Variants in SCML4 observed in about 807,000 individuals in gnomAD.
SCML4 encodes the protein sex comb on midleg-like protein 4.
A neutral mutation model predicts 41.1 loss-of-function variants in SCML4; 34 were observed. The ratio of observed to expected loss-of-function variants is 0.83; its 90% CI spans 0.63 to 1.10. The LOEUF (loss-of-function observed/expected upper bound fraction) is 1.10, where lower values mean the gene tolerates loss of function less well. Ranked by LOEUF, SCML4 falls within the 50% of genes least tolerant of loss-of-function variation. The pLI is 0.00. For missense variants in SCML4, 522 were observed against 534.1 expected (o/e 0.98, Z 0.22); for synonymous variants, 214 against 220.9 (o/e 0.97, Z 0.28).
intron 3 of SCML4, among the ~76,000 whole-genome samples, chr6:107,747,226 G>T (rs1184577530): frequency 6.6e-6 from 1 of 152,172 alleles, no homozygotes. Context: ...CTGGGAAAAT[G>T]TACATACAAA....
chr6:107,746,149 G>A (rs963948247), intron 4 of SCML4: 1 of 152,818 alleles, frequency 6.5e-6, no homozygotes, highest in African/African-American at 2.4e-5. Context: ...AGAACAGAGT[G>A]GGGAACAAGA....
chr6:107,808,930 A>C (rs1317474306), intron 1 of SCML4, among the ~76,000 whole-genome samples: 1 of 152,172 alleles, frequency 6.6e-6, no homozygotes, highest in Non-Finnish European at 1.5e-5. Context: ...AATCTATCTG[A>C]GATTATTAAG....
chr6:107,767,530 A>C (rs1780159527), intron 2 of SCML4, among the ~76,000 whole-genome samples: 1 of 152,220 alleles, frequency 6.6e-6, no homozygotes, highest in African/African-American at 2.4e-5. Flanking sequence ...AAAAAGGAAG[A>C]GAGAACAAAA....
intron 2 of SCML4, among the ~76,000 whole-genome samples, chr6:107,755,234 C>G (rs1583497579): frequency 6.6e-6 from 1 of 152,130 alleles, no homozygotes; most frequent in African/African-American, 2.4e-5. Context: ...GATTAAATTG[C>G]CTGATTGCAA....
intron 3 of SCML4, among the ~76,000 whole-genome samples, chr6:107,748,030 T>A (rs368490698): frequency 7.5e-4 from 114 of 152,354 alleles, no homozygotes; most frequent in Middle Eastern, 3.4e-3. Context: ...AAGAGTGCCC[T>A]GGCCGACCTC....
At chr6:107,818,177 G>A (rs925400234) in intron 1 of SCML4, among the ~76,000 whole-genome samples, 4 of 152,172 alleles carry the variant, frequency 2.6e-5, no homozygotes, top group Non-Finnish European at 1.5e-5. Context: ...GGTCTTAAAA[G>A]TGATATAGTC....
At chr6:107,832,520 G>A in the SCML4 span, among the ~76,000 whole-genome samples, 1 of 152,112 alleles carries the variant, frequency 6.6e-6, no homozygotes, top group Admixed American at 6.5e-5. Context: ...CATCTCCTTG[G>A]CTGGAATTGG....
chr6:107,708,353 G>A (rs533857469), intron 6 of SCML4, among the ~76,000 whole-genome samples: 92 of 152,180 alleles, frequency 6.0e-4, no homozygotes, highest in Middle Eastern at 3.4e-3. Flanking sequence ...GTTCTTTCTC[G>A]GCAGGCCCAG....
At chr6:107,831,915 T>G in the SCML4 span, among the ~76,000 whole-genome samples, 14 of 148,930 alleles carry the variant, frequency 9.4e-5, no homozygotes, top group Admixed American at 8.7e-4. Context: ...CACACAAAAT[T>G]AGCTGGGCAT....
chr6:107,710,734 C>T lies in SCML4; in HGVS notation c.974-2723G>A, dbSNP rs1321513947. Among the ~76,000 whole-genome samples the T allele has an allele frequency of 3.2e-5, 2 of 63,302 alleles. 1 individual carries two copies. The highest frequency in any genetic ancestry group is 6.9e-5 in the Non-Finnish European group (2 of 28,992). The allele number at this position is 63,302 out of a possible 152,430, so 41.5% of individuals were successfully genotyped here. On this transcript the variant is annotated intron_variant, in intron 6 of 7. Transcript: ENST00000369020. ...GAGGTTGCATTGAGCCGAGATCATG[C>T]CTCCCACTCACTCTATAAAACACCT...
At chr6:107,779,816 T>C (rs1781339660) in intron 1 of SCML4, among the ~76,000 whole-genome samples, 1 of 152,214 alleles carries the variant, frequency 6.6e-6, no homozygotes, top group Non-Finnish European at 1.5e-5. Flanking sequence ...GGCATCTGTC[T>C]GAAATTCCAC....
At chr6:107,813,369 ATT>A (rs1491208492) in intron 1 of SCML4, among the ~76,000 whole-genome samples, 5,835 of 82,740 alleles carry the variant, frequency 0.071, 693 homozygotes, top group African/African-American at 0.25. Context: ...TCTCAAAAAA[ATT>A]ATATATATAT....
chr6:107,836,962 G>A, the SCML4 span, among the ~76,000 whole-genome samples: 1 of 152,176 alleles, frequency 6.6e-6, no homozygotes, highest in Non-Finnish European at 1.5e-5. Context: ...AAGTTTTAGA[G>A]TACTACATTT....
At chr6:107,764,710 G>A (rs1336657848) in intron 2 of SCML4, among the ~76,000 whole-genome samples, 1 of 152,170 alleles carries the variant, frequency 6.6e-6, no homozygotes. Flanking sequence ...GTTTCACTGT[G>A]TCCCCACCCA....
At chr6:107,746,166 T>C (rs1778068721) in intron 4 of SCML4, 1 of 152,878 alleles carries the variant, frequency 6.5e-6, no homozygotes, top group South Asian at 2.1e-4. Flanking sequence ...AAGAGAGAAG[T>C]AACCAAGAAA....
chr6:107,769,530 C>G (rs1780346349), intron 2 of SCML4, among the ~76,000 whole-genome samples: 1 of 152,132 alleles, frequency 6.6e-6, no homozygotes, highest in Admixed American at 6.5e-5. Context: ...TGTCAACCAG[C>G]ATAGACTTGT....
intron 1 of SCML4, among the ~76,000 whole-genome samples, chr6:107,776,260 G>C (rs9486688): frequency 1.3e-5 from 2 of 152,114 alleles, no homozygotes; most frequent in South Asian, 2.1e-4. Flanking sequence ...ACAACAAAAG[G>C]TTAATACAAA....
At chr6:107,729,662 T>C (rs1202324299) in intron 5 of SCML4, among the ~76,000 whole-genome samples, 1 of 152,194 alleles carries the variant, frequency 6.6e-6, no homozygotes, top group African/African-American at 2.4e-5. Flanking sequence ...ACTGATACAG[T>C]ATGATTGCTT....
the SCML4 span, among the ~76,000 whole-genome samples, chr6:107,833,918 A>G: frequency 1.3e-5 from 2 of 152,104 alleles, no homozygotes; most frequent in African/African-American, 4.8e-5. Flanking sequence ...GTGTGGGTTA[A>G]ATGAGTTAGG....
Sources: allele counts gnomAD v4.1 joint callset (sites outside exome capture counted in the v4.1 genomes callset), GRCh38; gene constraint gnomAD v4.1.1; transcripts MANE v1.5; gene names NCBI Gene and HGNC (gene_info 2026-07-23, HGNC 2026-07-21).